AGBL1: variants seen among roughly 807,000 people sequenced by gnomAD.
AGBL1 encodes the protein cytosolic carboxypeptidase 4.
A neutral mutation model predicts 118.9 loss-of-function variants in AGBL1; 130 were observed. The observed-to-expected ratio is 1.09, with a 90% CI of 0.95 to 1.26. The LOEUF is 1.26. Ranked by LOEUF, AGBL1 falls within the 50% of genes most tolerant of loss-of-function variation. The pLI is 0.00. For synonymous variants in AGBL1, 555 were observed against 478.9 expected, an observed-to-expected ratio of 1.16 and a Z score of -2.08; for missense variants, 1,584 against 1,298.1, an observed-to-expected ratio of 1.22 and a Z score of -3.38.
chr15:86,632,801 T>TTTTGTTTTGG (rs111393386), intron 21 of AGBL1, among the ~76,000 whole-genome samples: 137,905 of 151,702 alleles, frequency 0.91, 62,844 homozygotes, highest in East Asian at 1. Context: ...GCCAGCGTAG[T>TTTTGTTTTGG]TTTGTTTTTG....
At chr15:86,957,930 G>A (rs143301574) in intron 23 of AGBL1, among the ~76,000 whole-genome samples, 221 of 152,114 alleles carry the variant, frequency 1.5e-3, no homozygotes, top group African/African-American at 4.9e-3. Flanking sequence ...GGCCAGGCAC[G>A]GTGGCTCACA....
intron 17 of AGBL1, among the ~76,000 whole-genome samples, chr15:86,364,958 C>CATATATATAT (rs72116454): frequency 1.0e-3 from 77 of 76,146 alleles, no homozygotes; most frequent in East Asian, 7.0e-3. Flanking sequence ...ATATGTCACA[C>CATATATATAT]ATATATATAT....
chr15:86,632,540 G>A (rs1384570700), intron 21 of AGBL1, among the ~76,000 whole-genome samples: 3 of 151,990 alleles, frequency 2.0e-5, no homozygotes, highest in African/African-American at 4.8e-5. Flanking sequence ...TATTCAGGTT[G>A]TTCAGACCTT....
rs939841707 is a variant in AGBL1, at chr15:86,765,328, T to A, written c.3158+90892T>A. 3.3e-5 allele frequency among the ~76,000 whole-genome samples: 5 copies of A among 152,100 alleles called. No individual in the cohort carries two copies. In the South Asian group the frequency reaches 6.2e-4, roughly 19 times the overall value. ...GACAGTCACTGGAGACACAGAGCTA[T>A]GCTAGACCCAGATATGTTTGTTAAG... On this transcript the variant is annotated intron_variant, in intron 22 of 22. Coordinates refer to ENST00000614907, the MANE Select transcript of AGBL1 (RefSeq NM_001386094.1).
rs146315575 is a variant in AGBL1, at chr15:86,587,130, G to T, written c.2994+32593G>T. ...ATTCTGCTTCCCTGAGCACACTGCA[G>T]TCATGGTCTTAGCTTACTCCCACCA... On this transcript the variant is annotated intron_variant, in intron 21 of 22. Transcript: ENST00000614907. Among the ~76,000 whole-genome samples, 337 of 152,304 alleles carry T rather than the reference G, an allele frequency of 2.2e-3. 2 individuals carry two copies. The highest frequency in any genetic ancestry group is 3.9e-3 in the Admixed American group (60 of 15,288).
chr15:86,247,859 A>G lies in AGBL1; in HGVS notation c.715A>G (p.Ile239Val). The G allele has an allele frequency of 1.2e-6, 2 of 1,613,882 alleles. No individual in the cohort carries two copies. Among genetic ancestry groups the G allele is most frequent in the Non-Finnish European group, 1.7e-6 (2 of 1,179,880 alleles). The change falls in exon 7 of 23, where the codon ATC (isoleucine) becomes GTC (valine). Residue 239 changes from isoleucine to valine, a missense_variant. Physicochemically the swap from Ile to Val is conservative, Grantham distance 29. Transcript: ENST00000614907. The stretch of plus-strand genomic sequence containing the variant: ...CTTCCTGGCAGCACAGGGCATGGAG[A>G]TCCTCTTCAGCACCACACAGGCAGG... ...EAFLAAQGME[I>V]LFSTTQNCLD...
intron 18 of AGBL1, among the ~76,000 whole-genome samples, chr15:86,487,565 T>G (rs1295264613): frequency 1.9e-5 from 2 of 102,984 alleles, no homozygotes; most frequent in Non-Finnish European, 3.7e-5. Flanking sequence ...AAAGGCCCCC[T>G]GACTTTTTTT....
chr15:86,266,948 A>G (rs932401550), intron 12 of AGBL1, 42 bp from the exon 13 acceptor site: 11 of 1,349,960 alleles, frequency 8.1e-6, no homozygotes, highest in Non-Finnish European at 1.0e-5. Context: ...TTCAAAGAGT[A>G]GTGATAACAC....
chr15:86,138,907 T>G (rs2076924163), intron 1 of AGBL1, among the ~76,000 whole-genome samples: 1 of 152,236 alleles, frequency 6.6e-6, no homozygotes, highest in Admixed American at 6.5e-5. Flanking sequence ...CTTCATTTTC[T>G]TCTGTGAGCC....
intron 22 of AGBL1, among the ~76,000 whole-genome samples, chr15:86,838,016 T>G (rs1377619397): frequency 6.6e-6 from 1 of 152,302 alleles, no homozygotes; most frequent in South Asian, 2.1e-4. Flanking sequence ...ATTACAGGTT[T>G]TAATCAGTTC....
intron 22 of AGBL1, among the ~76,000 whole-genome samples, chr15:86,724,660 G>T (rs927872325): frequency 6.6e-6 from 1 of 152,178 alleles, no homozygotes; most frequent in Non-Finnish European, 1.5e-5. Context: ...CAAATCTCAT[G>T]TTGAAATGTA....
chr15:86,396,162 TAA>T lies in AGBL1; in HGVS notation c.2375-1201_2375-1200del, dbSNP rs200568711. Among the ~76,000 whole-genome samples, 462 of 135,230 alleles carry T rather than the reference TAA, an allele frequency of 3.4e-3. 18 individuals are homozygous for T. The East Asian group carries it at 0.086, about 25-fold the overall frequency. 88.7% of individuals were successfully genotyped at this position (135,230 alleles called of 152,430 possible). On this transcript the variant is annotated intron_variant, in intron 17 of 22. Coordinates refer to ENST00000614907, the MANE Select transcript of AGBL1 (RefSeq NM_001386094.1). ...ATATATATGTGTATATATATATATA[TAA>T]AATCATATATTCATATATATGTGTA...
intron 1 of AGBL1, among the ~76,000 whole-genome samples, chr15:86,118,136 C>T (rs1224023955): frequency 1.3e-5 from 2 of 152,132 alleles, no homozygotes; most frequent in Admixed American, 1.3e-4. Context: ...AGAGATGGCC[C>T]TCACCTTTTC....
chr15:86,451,562 G>A (rs2082193009), intron 18 of AGBL1, among the ~76,000 whole-genome samples: 2 of 152,184 alleles, frequency 1.3e-5, no homozygotes, highest in Non-Finnish European at 2.9e-5. Flanking sequence ...CTGATTAAAA[G>A]CTGTATTAAT....
intron 1 of AGBL1, among the ~76,000 whole-genome samples, chr15:86,127,088 C>A (rs1053305819): frequency 1.7e-4 from 26 of 152,162 alleles, no homozygotes; most frequent in Non-Finnish European, 3.5e-4. Flanking sequence ...GCTGTAGTCC[C>A]CAGTAATCTG....
At chr15:86,561,234 T>C (rs2083815058) in intron 21 of AGBL1, among the ~76,000 whole-genome samples, 1 of 152,232 alleles carries the variant, frequency 6.6e-6, no homozygotes, top group South Asian at 2.1e-4. Flanking sequence ...TGAATGGTAT[T>C]GCCTAGGTCC....
chr15:86,302,923 T>G (rs1207850482), intron 17 of AGBL1, among the ~76,000 whole-genome samples: 2 of 152,168 alleles, frequency 1.3e-5, no homozygotes, highest in Non-Finnish European at 2.9e-5. Flanking sequence ...GTTAAAAAGT[T>G]TTTATTGAAG....
At chr15:86,853,715 C>A (rs1182178750) in intron 22 of AGBL1, among the ~76,000 whole-genome samples, 1 of 152,190 alleles carries the variant, frequency 6.6e-6, no homozygotes, top group Admixed American at 6.5e-5. Context: ...GCAGCCATCG[C>A]TACATCTAGT....
At chr15:86,304,827 T>A (rs910419671) in intron 17 of AGBL1, 1 of 152,294 alleles carries the variant, frequency 6.6e-6, no homozygotes, top group African/African-American at 2.4e-5. Flanking sequence ...ACTTTTGCCA[T>A]TGCTATGTTT....
Sources: gnomAD v4.1 joint callset for allele counts (sites outside exome capture counted in the v4.1 genomes callset) on GRCh38, gnomAD v4.1.1 for gene constraint, MANE v1.5 for transcripts, NCBI Gene and HGNC (gene_info 2026-07-23, HGNC 2026-07-21) for gene names.